The following P2RY2 variants were observed in gnomAD, a reference collection of about 807,000 sequenced individuals.
P2RY2 encodes the protein purinergic receptor P2Y2.
For missense variants in P2RY2, 567 were observed against 515.7 expected (o/e 1.10, Z -0.96); for synonymous variants, 241 against 231.9 (o/e 1.04, Z -0.35).
In P2RY2 at chr11:73,234,849, C is replaced by A; in HGVS notation, c.690C>A (p.Tyr230Ter). ...LMARRLLKPAYGTSGGLPRAK... is the reference protein window; with the variant it reads ...LMARRLLKPA The stretch of plus-strand genomic sequence containing the variant: ...CTCGGCGACTGCTAAAGCCAGCCTA[C>A]GGGACCTCGGGCGGCCTGCCTAGGG... Residue 230 changes from tyrosine to a stop codon, truncating the protein, a stop_gained, in exon 3 of 3, where the codon TAC becomes TAA. Coordinates refer to ENST00000393597, the MANE Select transcript of P2RY2 (RefSeq NM_002564.4). LOFTEE classifies it low-confidence loss of function (END_TRUNC). 2 of 1,610,592 alleles carry A rather than the reference C, an allele frequency of 1.2e-6. No homozygotes were observed. The highest frequency in any genetic ancestry group is 1.7e-6 in the Non-Finnish European group (2 of 1,179,944).
At chr11:73,230,051 T>C (rs999372675) in intron 2 of P2RY2, among the ~76,000 whole-genome samples, 1 of 152,050 alleles carries the variant, frequency 6.6e-6, no homozygotes, top group African/African-American at 2.4e-5. Context: ...CTCGGCTTAC[T>C]GATACCCAGG....
chr11:73,225,666 T>TGAGGTTATTTAGCCTTTCTGAGTC (rs1554981294), intron 1 of P2RY2, among the ~76,000 whole-genome samples: 2 of 151,938 alleles, frequency 1.3e-5, no homozygotes, highest in South Asian at 2.1e-4. Flanking sequence ...CGTTTGCTAA[T>TGAGGTTATTTAGCCTTTCTGAGTC]TCAGGATTCA....
At chr11:73,232,157 C>G (rs1427994398) in intron 2 of P2RY2, among the ~76,000 whole-genome samples, 1 of 152,168 alleles carries the variant, frequency 6.6e-6, no homozygotes, top group African/African-American at 2.4e-5. Flanking sequence ...TTCCACCCTC[C>G]CAGACACACC....
chr11:73,234,315 C>T lies in P2RY2; in HGVS notation c.156C>T (p.Ala52=). 1.9e-6 allele frequency: 3 copies of T among 1,613,818 alleles called. No homozygotes were observed. The highest frequency in any genetic ancestry group is 2.5e-6 in the Non-Finnish European group (3 of 1,179,790). Residue 52 remains alanine (A), a synonymous_variant, in exon 3 of 3, where the codon GCC becomes GCT. Transcript: ENST00000393597. The part of the protein sequence containing the change: ...VVCVPGLCLN[A]VALYIFLCRL... The stretch of plus-strand genomic sequence containing the variant: ...GCGTGCCTGGGCTGTGTCTGAACGC[C>T]GTGGCGCTCTACATCTTCTTGTGCC...
Position 73,237,080 on chromosome 11 carries a change from A to C in P2RY2, c.*1787A>C. ...CATCCCCAAAGCTTGCTGTATTTGG[A>C]GCCTGACTCCACAGCGCCCTCATGT... On this transcript the variant is annotated 3_prime_UTR_variant, in exon 3 of 3. Coordinates refer to ENST00000393597, the MANE Select transcript of P2RY2 (RefSeq NM_002564.4). 1 of 985,196 alleles carries C rather than the reference A, an allele frequency of 1.0e-6. No homozygotes were observed. Among genetic ancestry groups the C allele is most frequent in the East Asian group, 1.1e-4 (1 of 8,800 alleles). 61.0% of individuals were successfully genotyped at this position (985,196 alleles called of 1,614,324 possible).
Position 73,236,076 on chromosome 11 carries a change from T to A in P2RY2, c.*783T>A. The stretch of plus-strand genomic sequence containing the variant: ...CTCAGGAGTAGTCTCATATCAGGGA[T>A]CCTCTCTCCAGGCCCCAGGTCATCC... On this transcript the variant is annotated 3_prime_UTR_variant, in exon 3 of 3. Transcript: ENST00000393597. 1 of 997,280 alleles carries A rather than the reference T, an allele frequency of 1.0e-6. No individual in the cohort carries two copies. The highest frequency in any genetic ancestry group is 1.2e-6 in the Non-Finnish European group (1 of 827,294). The allele number at this position is 997,280 out of a possible 1,614,324, so 61.8% of individuals were successfully genotyped here.
rs1375860642 is a variant in P2RY2 at position 73,238,155 on chromosome 11, C to T, written c.*2862C>T. 2.0e-5 allele frequency among the ~76,000 whole-genome samples: 3 copies of T among 152,220 alleles called. No homozygotes were observed. The highest frequency in any genetic ancestry group is 2.1e-4 in the South Asian group (1 of 4,832). On this transcript the variant is annotated 3_prime_UTR_variant, in exon 3 of 3. Transcript: ENST00000393597. ...TGGATGTAAGCAAGTGCCTTGGTGACGATCCTGCTGTCACTCACACTGCCC... is the reference window on the plus strand; with the variant it reads ...TGGATGTAAGCAAGTGCCTTGGTGATGATCCTGCTGTCACTCACACTGCCC...
rs186747808 is a variant in P2RY2 at position 73,232,676 on chromosome 11, T to C, written c.-4-1480T>C. ...CACCCGCCTCAGCCTCCCAAAGTGG[T>C]GGGATTACAGGTGTGAGCCACCGCG... is the stretch of plus-strand genomic sequence containing the variant. On this transcript the variant is annotated intron_variant, in intron 2 of 2. Coordinates refer to ENST00000393597, the MANE Select transcript of P2RY2 (RefSeq NM_002564.4). Among the ~76,000 whole-genome samples, 1,493 of 152,294 alleles carry C rather than the reference T, an allele frequency of 9.8e-3. 35 individuals carry two copies. Among genetic ancestry groups the C allele is most frequent in the African/African-American group, 0.034 (1,415 of 41,554 alleles).
At chr11:73,232,656 G>A (rs1344950354) in intron 2 of P2RY2, among the ~76,000 whole-genome samples, 3 of 152,072 alleles carry the variant, frequency 2.0e-5, no homozygotes, top group Admixed American at 6.6e-5. Flanking sequence ...TGATCCACCC[G>A]CCTCAGCCTC....
intron 1 of P2RY2, among the ~76,000 whole-genome samples, chr11:73,221,346 G>A (rs1276855266): frequency 6.6e-6 from 1 of 152,116 alleles, no homozygotes; most frequent in Non-Finnish European, 1.5e-5. Context: ...TCCTGCCCAG[G>A]GTCACCAAGC....
In P2RY2 at chr11:73,242,369, G is replaced by A. The variant is rs1218587470; in HGVS notation, c.*7076G>A. ...GTGCTGTCTCTGTGTGTGTGCACGT[G>A]TGTTTATGTGTGTGTTGAATGATCA... On this transcript the variant is annotated 3_prime_UTR_variant, in exon 3 of 3. Coordinates refer to ENST00000393597, the MANE Select transcript of P2RY2 (RefSeq NM_002564.4). 6.6e-6 allele frequency: 1 copy of A among 152,308 alleles called. No homozygotes were observed. The highest frequency in any genetic ancestry group is 1.5e-5 in the Non-Finnish European group (1 of 68,110). 9.4% of individuals were successfully genotyped at this position (152,308 alleles called of 1,614,324 possible).
chr11:73,235,656 G>A lies in P2RY2; in HGVS notation c.*363G>A. On this transcript the variant is annotated 3_prime_UTR_variant, in exon 3 of 3. Transcript: ENST00000393597. The stretch of plus-strand genomic sequence containing the variant: ...ATGGAGAAACAGGCCCAGAGAGGAA[G>A]GTGGCTTACCAAGATCACATACCAG... The A allele has an allele frequency of 1.9e-6, 2 of 1,026,114 alleles. No homozygotes were observed. Among genetic ancestry groups the A allele is most frequent in the Non-Finnish European group, 2.4e-6 (2 of 847,470 alleles). The allele number at this position is 1,026,114 out of a possible 1,614,324, so 63.6% of individuals were successfully genotyped here.
intron 2 of P2RY2, among the ~76,000 whole-genome samples, chr11:73,228,637 C>A (rs1398581062): frequency 6.6e-6 from 1 of 152,198 alleles, no homozygotes; most frequent in African/African-American, 2.4e-5. Flanking sequence ...AAGGCAGAGT[C>A]TCCTGGGCTC....
rs996841146 is a variant in P2RY2, at chr11:73,239,865, C to G, written c.*4572C>G. On this transcript the variant is annotated 3_prime_UTR_variant, in exon 3 of 3. Coordinates refer to ENST00000393597, the MANE Select transcript of P2RY2 (RefSeq NM_002564.4). ...CCAGAGAAGTGAAGTGACCCCACTG[C>G]CGCCACACAGAGCCACACAGTGCGA... 2.6e-5 allele frequency: 4 copies of G among 152,440 alleles called. No individual in the cohort carries two copies. The highest frequency in any genetic ancestry group is 5.9e-5 in the Non-Finnish European group (4 of 68,222). 9.4% of individuals were successfully genotyped at this position (152,440 alleles called of 1,614,324 possible).
rs988910186 is a variant in P2RY2, at chr11:73,239,875, G to A, written c.*4582G>A. ...GAAGTGACCCCACTGCCGCCACACA[G>A]AGCCACACAGTGCGATGTCTGGAGC... On this transcript the variant is annotated 3_prime_UTR_variant, in exon 3 of 3. Coordinates refer to ENST00000393597, the MANE Select transcript of P2RY2 (RefSeq NM_002564.4). 1 of 152,536 alleles carries A rather than the reference G, an allele frequency of 6.6e-6. No individual in the cohort carries two copies. The highest frequency in any genetic ancestry group is 6.5e-5 in the Admixed American group (1 of 15,288). The allele number at this position is 152,536 out of a possible 1,614,324, so 9.4% of individuals were successfully genotyped here. A position where few individuals can be genotyped will look rare whatever the true frequency, so the allele number is the denominator to read the frequency against.
At chr11:73,233,506 C>A (rs897522268) in intron 2 of P2RY2, among the ~76,000 whole-genome samples, 6 of 152,180 alleles carry the variant, frequency 3.9e-5, no homozygotes, top group Non-Finnish European at 5.9e-5. Context: ...AAGGCCCCTT[C>A]CCATGAACTC....
chr11:73,236,016 C>T lies in P2RY2; in HGVS notation c.*723C>T, dbSNP rs936687686. 1.9e-5 allele frequency: 19 copies of T among 1,000,206 alleles called. No individual in the cohort carries two copies. The African/African-American group carries it at 1.9e-4, about 10-fold the overall frequency. The allele number at this position is 1,000,206 out of a possible 1,614,324, so 62.0% of individuals were successfully genotyped here. On this transcript the variant is annotated 3_prime_UTR_variant, in exon 3 of 3. Transcript: ENST00000393597. ...CCACACAAGGGTCCTTTCTCCAATCCGTTCCCTTCTGCCACCTGCCTTCTC... is the reference window on the plus strand; with the variant it reads ...CCACACAAGGGTCCTTTCTCCAATCTGTTCCCTTCTGCCACCTGCCTTCTC...
Position 73,235,038 on chromosome 11 carries a change from G to GCTGGCCAGTGCTAACAGTTGCCTTGACCC in P2RY2, c.881_909dup (p.Val304TrpfsTer56). Reference sequence around the variant, plus strand: ...ACATGGCCTACAAGGTTACCCGGCCGCTGGCCAGTGCTAACAGTTGCCTTG... The same window carrying GCTGGCCAGTGCTAACAGTTGCCTTGACCC: ...ACATGGCCTACAAGGTTACCCGGCCGCTGGCCAGTGCTAACAGTTGCCTTGACCCCTGGCCAGTGCTAACAGTTGCCTTG... On this transcript the variant is annotated frameshift_variant, in exon 3 of 3. Coordinates refer to ENST00000393597, the MANE Select transcript of P2RY2 (RefSeq NM_002564.4). LOFTEE classifies it low-confidence loss of function (END_TRUNC). 1 of 1,607,982 alleles carries GCTGGCCAGTGCTAACAGTTGCCTTGACCC rather than the reference G, an allele frequency of 6.2e-7. No individual in the cohort carries two copies. The highest frequency in any genetic ancestry group is 1.3e-5 in the African/African-American group (1 of 75,046).
chr11:73,234,533 C>A lies in P2RY2; in HGVS notation c.374C>A (p.Thr125Asn). 1.2e-6 allele frequency: 2 copies of A among 1,607,872 alleles called. No individual in the cohort carries two copies. The highest frequency in any genetic ancestry group is 1.7e-6 in the Non-Finnish European group (2 of 1,176,350). ...CTTTACTGCAGCATCCTCTTCCTCACCTGCATCAGCGTGCACCGGTGTCTG... is the reference window on the plus strand; with the variant it reads ...CTTTACTGCAGCATCCTCTTCCTCAACTGCATCAGCGTGCACCGGTGTCTG... ...TNLYCSILFLTCISVHRCLGV... is the reference protein window; with the variant it reads ...TNLYCSILFLNCISVHRCLGV... The change falls in exon 3 of 3, where the codon ACC becomes AAC. Residue 125 changes from threonine to asparagine, a missense_variant. Coordinates refer to ENST00000393597, the MANE Select transcript of P2RY2 (RefSeq NM_002564.4).
Sources: gnomAD v4.1 joint callset for allele counts (sites outside exome capture counted in the v4.1 genomes callset) on GRCh38, gnomAD v4.1.1 for gene constraint, MANE v1.5 for transcripts, NCBI Gene and HGNC (gene_info 2026-07-23, HGNC 2026-07-21) for gene names.